Variants in PCDHA10 observed in about 807,000 individuals in gnomAD.
PCDHA10 encodes protocadherin alpha 10.
PCDHA10 carries 45 observed loss-of-function variants against 61.2 expected under a neutral mutation model. The ratio of observed to expected loss-of-function variants is 0.74; its 90% confidence interval spans 0.58 to 0.94. The LOEUF (loss-of-function observed/expected upper bound fraction) is 0.94. Ranked by LOEUF, PCDHA10 falls within the 40% of genes least tolerant of loss-of-function variation. PCDHA10 has a pLI of 0.00. For missense variants in PCDHA10, 1,278 were observed against 1,236.2 expected (o/e 1.03, Z -0.51); for synonymous variants, 602 against 548.8 (o/e 1.10, Z -1.35).
chr5:140,994,233 T>A (rs2097606681), intron 3 of PCDHA10, among the ~76,000 whole-genome samples: 1 of 152,138 alleles, frequency 6.6e-6, no homozygotes, highest in Admixed American at 6.5e-5. Context: ...TATGTTATAA[T>A]CAATTCAAAC....
intron 1 of PCDHA10, among the ~76,000 whole-genome samples, chr5:140,917,003 A>C (rs2077823052): frequency 6.6e-6 from 1 of 151,818 alleles, no homozygotes; most frequent in Non-Finnish European, 1.5e-5. Flanking sequence ...CTGTTCCAAA[A>C]TCTCCCTTCA....
intron 1 of PCDHA10, chr5:140,868,979 C>A: frequency 6.7e-7 from 1 of 1,485,290 alleles, no homozygotes; most frequent in Non-Finnish European, 9.0e-7. Context: ...TCCATCATAC[C>A]GGATGCCACC....
At chr5:140,947,956 A>G (rs1460892977) in intron 1 of PCDHA10, among the ~76,000 whole-genome samples, 2 of 151,570 alleles carry the variant, frequency 1.3e-5, no homozygotes, top group Non-Finnish European at 3.0e-5. Context: ...CATATTTTAC[A>G]ATTAAGTATG....
chr5:140,931,578 C>T (rs2087609680), intron 1 of PCDHA10, among the ~76,000 whole-genome samples: 1 of 152,008 alleles, frequency 6.6e-6, no homozygotes, highest in South Asian at 2.1e-4. Flanking sequence ...CCCATTCATT[C>T]AGTTGAACAG....
chr5:140,980,901 T>C, intron 2 of PCDHA10, among the ~76,000 whole-genome samples: 1 of 152,218 alleles, frequency 6.6e-6, no homozygotes, highest in East Asian at 1.9e-4. Context: ...TTGGACATCA[T>C]GTAACTATTC....
At chr5:140,873,334 C>A (rs1182965928) in intron 1 of PCDHA10, among the ~76,000 whole-genome samples, 1 of 152,156 alleles carries the variant, frequency 6.6e-6, no homozygotes, top group African/African-American at 2.4e-5. Context: ...GCATACATTA[C>A]TCATCTCCAG....
Position 140,928,034 on chromosome 5 carries a change from G to T in PCDHA10, c.2389-50915G>T. 3 of 1,614,206 alleles carry T rather than the reference G, an allele frequency of 1.9e-6. No homozygotes were observed. Among genetic ancestry groups the T allele is most frequent in the Non-Finnish European group, 2.5e-6 (3 of 1,180,036 alleles). Reference sequence around the variant, plus strand: ...GGTAGGGTCATTTGTGGCATGTCTAGTGCAGGCCCTTTTCAGCTGACGGCT... The same window carrying T: ...GGTAGGGTCATTTGTGGCATGTCTATTGCAGGCCCTTTTCAGCTGACGGCT... On this transcript the variant is annotated intron_variant, in intron 1 of 3. Transcript: ENST00000307360.
chr5:140,870,944 CG>C, intron 1 of PCDHA10: 1 of 1,613,658 alleles, frequency 6.2e-7, no homozygotes, highest in Non-Finnish European at 8.5e-7. Flanking sequence ...CAGCCGGCGG[CG>C]GGCGGCTCGC....
At chr5:140,930,527 A>G (rs73793525) in intron 1 of PCDHA10, 1 of 152,462 alleles carries the variant, frequency 6.6e-6, no homozygotes, top group Non-Finnish European at 1.5e-5. Context: ...CTGGCCCTCA[A>G]ACTTCTTGAG....
chr5:141,001,378 C>T (rs889628264), intron 3 of PCDHA10, among the ~76,000 whole-genome samples: 20 of 152,166 alleles, frequency 1.3e-4, no homozygotes, highest in African/African-American at 4.8e-4. Flanking sequence ...GATTACAGAG[C>T]CTAAGATCCT....
intron 1 of PCDHA10, among the ~76,000 whole-genome samples, chr5:140,880,167 G>A (rs1363011800): frequency 2.0e-5 from 3 of 152,160 alleles, no homozygotes; most frequent in African/African-American, 7.2e-5. Context: ...TATGTTAGAA[G>A]TTAAACATGA....
chr5:140,884,563 T>TAAGACG (rs2060266286), intron 1 of PCDHA10: 9 of 1,614,032 alleles, frequency 5.6e-6, no homozygotes, highest in Non-Finnish European at 7.6e-6. Context: ...AGGGCCCGCA[T>TAAGACG]AAGACGGACC....
intron 1 of PCDHA10, among the ~76,000 whole-genome samples, chr5:140,925,025 C>T (rs1180931899): frequency 6.6e-6 from 1 of 151,492 alleles, no homozygotes; most frequent in Non-Finnish European, 1.5e-5. Context: ...ATGGGAGGAT[C>T]GCTTGAGCCC....
At chr5:140,976,697 T>C (rs2096727777) in intron 1 of PCDHA10, among the ~76,000 whole-genome samples, 1 of 152,224 alleles carries the variant, frequency 6.6e-6, no homozygotes, top group Non-Finnish European at 1.5e-5. Context: ...AGTACAATAA[T>C]GTTGACTTTG....
At chr5:140,936,628 T>C (rs1208761817) in intron 1 of PCDHA10, among the ~76,000 whole-genome samples, 5 of 152,258 alleles carry the variant, frequency 3.3e-5, no homozygotes, top group Non-Finnish European at 7.3e-5. Flanking sequence ...GTGCTACCTT[T>C]GTCATAAGCA....
At chr5:141,009,500 A>G (rs2098409925) in intron 3 of PCDHA10, 127 bp from the exon 4 acceptor site, 2 of 1,494,658 alleles carry the variant, frequency 1.3e-6, no homozygotes, top group Non-Finnish European at 1.8e-6. Flanking sequence ...TCAGACTTGA[A>G]CAAACAACTC....
chr5:140,995,901 A>C (rs2097702550), intron 3 of PCDHA10, among the ~76,000 whole-genome samples: 3 of 152,212 alleles, frequency 2.0e-5, no homozygotes, highest in Non-Finnish European at 1.5e-5. Flanking sequence ...CAATGTATAA[A>C]AGAGGAGAGA....
intron 1 of PCDHA10, among the ~76,000 whole-genome samples, chr5:140,878,476 A>G (rs1037108551): frequency 6.6e-6 from 1 of 152,204 alleles, no homozygotes; most frequent in Admixed American, 6.5e-5. Flanking sequence ...TCATTTCTCA[A>G]TTTAAAAATA....
At chr5:140,958,218 A>C (rs1240262632) in intron 1 of PCDHA10, among the ~76,000 whole-genome samples, 2 of 152,120 alleles carry the variant, frequency 1.3e-5, no homozygotes, top group Admixed American at 1.3e-4. Flanking sequence ...TTAGATTTTA[A>C]AGGACTTTCA....
Sources: allele counts gnomAD v4.1 joint callset (sites outside exome capture counted in the v4.1 genomes callset), GRCh38; gene constraint gnomAD v4.1.1; transcripts MANE v1.5; gene names NCBI Gene and HGNC (gene_info 2026-07-23, HGNC 2026-07-21).